CNTN4: variants seen among roughly 807,000 people sequenced by gnomAD.
CNTN4 encodes contactin 4, also known as contactin-4.
CNTN4 carries 77 observed loss-of-function variants against 122.5 expected under a neutral mutation model. The ratio of observed to expected loss-of-function variants is 0.63; its 90% CI spans 0.52 to 0.76. The LOEUF is 0.76. Ranked by LOEUF, CNTN4 falls within the 30% of genes least tolerant of loss-of-function variation. CNTN4 has a pLI of 0.00. For missense variants in CNTN4, 1,256 were observed against 1,259.1 expected, an observed-to-expected ratio of 1.00 and a Z score of 0.04; for synonymous variants, 512 against 447.0, an observed-to-expected ratio of 1.15 and a Z score of -1.83.
intron 2 of CNTN4, among the ~76,000 whole-genome samples, chr3:2,255,194 G>GTAGA (rs913503521): frequency 6.6e-6 from 1 of 152,164 alleles, no homozygotes; most frequent in Non-Finnish European, 1.5e-5. Flanking sequence ...TCAGCTGGGT[G>GTAGA]TAGATGTGTG....
chr3:2,492,025 C>G (rs567778055), intron 3 of CNTN4, among the ~76,000 whole-genome samples: 1 of 151,904 alleles, frequency 6.6e-6, no homozygotes, highest in South Asian at 2.1e-4. Flanking sequence ...TAGACTATAT[C>G]ACATTGTTTT....
intron 3 of CNTN4, among the ~76,000 whole-genome samples, chr3:2,413,692 C>T (rs2047311047): frequency 6.6e-6 from 1 of 151,798 alleles, no homozygotes; most frequent in Non-Finnish European, 1.5e-5. Flanking sequence ...TACAGGCACA[C>T]ACCACAACAC....
At chr3:2,705,786 T>C in intron 4 of CNTN4, among the ~76,000 whole-genome samples, 1 of 104,760 alleles carries the variant, frequency 9.5e-6, no homozygotes. Context: ...ATATAATACA[T>C]AATATATATT....
At chr3:3,020,252 A>G (rs1698166245) in intron 14 of CNTN4, among the ~76,000 whole-genome samples, 1 of 152,290 alleles carries the variant, frequency 6.6e-6, no homozygotes, top group Middle Eastern at 3.4e-3. Context: ...ACCAACTCTC[A>G]TGAGTAGGAA....
intron 3 of CNTN4, among the ~76,000 whole-genome samples, chr3:2,544,629 TC>T: frequency 6.6e-6 from 1 of 152,258 alleles, no homozygotes; most frequent in Non-Finnish European, 1.5e-5. Context: ...TTTATCCATT[TC>T]TTCTAGATTT....
At chr3:2,394,684 C>G (rs1443365066) in intron 3 of CNTN4, among the ~76,000 whole-genome samples, 1 of 151,698 alleles carries the variant, frequency 6.6e-6, no homozygotes, top group African/African-American at 2.4e-5. Flanking sequence ...AAGGCTTAAA[C>G]ACATCTATGC....
chr3:2,256,830 G>A (rs1575187339), intron 2 of CNTN4, among the ~76,000 whole-genome samples: 1 of 152,150 alleles, frequency 6.6e-6, no homozygotes, highest in East Asian at 1.9e-4. Context: ...CTCATGGATA[G>A]GAAGAATCAA....
chr3:2,667,260 C>G (rs1254102864), intron 4 of CNTN4, among the ~76,000 whole-genome samples: 1 of 152,140 alleles, frequency 6.6e-6, no homozygotes, highest in Admixed American at 6.5e-5. Context: ...CTGCTGTTTC[C>G]TGACTTTTTA....
chr3:2,820,961 C>CTTTTTTTTTT lies in CNTN4; in HGVS notation c.454+1389_454+1398dup, dbSNP rs67731967. ...TTCTCACATGCAACATTTTCTCTTT[C>CTTTTTTTTTT]TTTTTTTTTTTTTTTTTTGAGACAG... On this transcript the variant is annotated intron_variant, in intron 7 of 24. Coordinates refer to ENST00000418658, the MANE Select transcript of CNTN4 (RefSeq NM_175607.3). Among the ~76,000 whole-genome samples the CTTTTTTTTTT allele has an allele frequency of 8.9e-3, 953 of 107,464 alleles. 57 individuals carry two copies. Among genetic ancestry groups the CTTTTTTTTTT allele is most frequent in the African/African-American group, 0.026 (677 of 26,406 alleles). 70.5% of individuals were successfully genotyped at this position (107,464 alleles called of 152,430 possible). A position where few individuals can be genotyped will look rare whatever the true frequency, so the allele number is the denominator to read the frequency against.
At chr3:2,471,023 T>G (rs1477677809) in intron 3 of CNTN4, among the ~76,000 whole-genome samples, 2 of 152,202 alleles carry the variant, frequency 1.3e-5, no homozygotes, top group Admixed American at 1.3e-4. Flanking sequence ...GTATACATTA[T>G]TGGTTGAATT....
chr3:2,138,470 G>T (rs1181508975), intron 2 of CNTN4, among the ~76,000 whole-genome samples: 1 of 152,094 alleles, frequency 6.6e-6, no homozygotes, highest in Admixed American at 6.6e-5. Flanking sequence ...CTGTATCATG[G>T]GGTGCCTGGA....
intron 12 of CNTN4, among the ~76,000 whole-genome samples, chr3:2,925,399 A>G (rs1317722257): frequency 6.6e-6 from 1 of 152,122 alleles, no homozygotes; most frequent in Non-Finnish European, 1.5e-5. Flanking sequence ...ACTAAAATAC[A>G]AAAATTACCT....
chr3:2,638,237 G>A (rs1212800124), intron 4 of CNTN4, among the ~76,000 whole-genome samples: 2 of 152,042 alleles, frequency 1.3e-5, no homozygotes, highest in African/African-American at 2.4e-5. Context: ...CTTTAAACCT[G>A]TTAGTGCTCT....
intron 2 of CNTN4, among the ~76,000 whole-genome samples, chr3:2,218,570 A>G (rs1211340065): frequency 6.6e-6 from 1 of 152,200 alleles, no homozygotes; most frequent in Admixed American, 6.5e-5. Context: ...ACACATAGCC[A>G]AGTCTAAACA....
intron 8 of CNTN4, among the ~76,000 whole-genome samples, chr3:2,869,140 T>A (rs966582338): frequency 3.3e-5 from 5 of 152,156 alleles, no homozygotes; most frequent in Non-Finnish European, 5.9e-5. Flanking sequence ...TAGGAGAAAT[T>A]AGCAGATTTT....
intron 4 of CNTN4, among the ~76,000 whole-genome samples, chr3:2,630,303 G>C (rs1414855755): frequency 6.6e-6 from 1 of 152,082 alleles, no homozygotes; most frequent in Non-Finnish European, 1.5e-5. Context: ...GCCAGGCATG[G>C]GGGTACACAA....
At chr3:2,243,736 T>G (rs2040029481) in intron 2 of CNTN4, among the ~76,000 whole-genome samples, 1 of 152,098 alleles carries the variant, frequency 6.6e-6, no homozygotes, top group African/African-American at 2.4e-5. Flanking sequence ...ATGAAAATTC[T>G]GAGATTTCTA....
chr3:2,242,722 C>T (rs544131436), intron 2 of CNTN4, among the ~76,000 whole-genome samples: 51 of 152,218 alleles, frequency 3.4e-4, no homozygotes, highest in South Asian at 1.7e-3. Context: ...TTCACCCTTC[C>T]GCATATGGGA....
chr3:2,450,737 C>T (rs552182591), intron 3 of CNTN4, among the ~76,000 whole-genome samples: 1 of 152,144 alleles, frequency 6.6e-6, no homozygotes, highest in Non-Finnish European at 1.5e-5. Flanking sequence ...TTGGCTTGGA[C>T]CAAAGCCCCC....
Sources: gnomAD v4.1 joint callset for allele counts (sites outside exome capture counted in the v4.1 genomes callset) on GRCh38, gnomAD v4.1.1 for gene constraint, MANE v1.5 for transcripts, NCBI Gene and HGNC (gene_info 2026-07-23, HGNC 2026-07-21) for gene names.